PSD3: variants seen among roughly 807,000 people sequenced by gnomAD.
The protein encoded by PSD3 is PH and SEC7 domain-containing protein 3.
PSD3 carries 49 observed loss-of-function variants against 105.5 expected under a neutral mutation model. The ratio of observed to expected loss-of-function variants is 0.46; its 90% CI spans 0.37 to 0.59. The LOEUF (loss-of-function observed/expected upper bound fraction) is 0.59. Among genes scored for constraint, PSD3 ranks in the 20% least tolerant of loss-of-function variants. The probability of loss-of-function intolerance (pLI) is 0.00; values close to 1 mark genes in which losing one functional copy is unlikely to be tolerated. For missense variants in PSD3, 1,561 were observed against 1,263.8 expected (o/e 1.24, Z -3.57); for synonymous variants, 557 against 457.8 (o/e 1.22, Z -2.77).
At chr8:18,653,346 CAA>C (rs1363507912) in intron 10 of PSD3, among the ~76,000 whole-genome samples, 5 of 141,420 alleles carry the variant, frequency 3.5e-5, no homozygotes, top group African/African-American at 1.3e-4. Flanking sequence ...TGCATATGAA[CAA>C]GAGAGAAAAA....
At chr8:18,617,462 C>T (rs1162434602) in intron 11 of PSD3, among the ~76,000 whole-genome samples, 2 of 152,150 alleles carry the variant, frequency 1.3e-5, no homozygotes, top group Non-Finnish European at 2.9e-5. Flanking sequence ...ACTTGGGAGG[C>T]GCAGGTAGCA....
At chr8:18,762,389 C>T (rs1358273281) in intron 9 of PSD3, among the ~76,000 whole-genome samples, 1 of 152,196 alleles carries the variant, frequency 6.6e-6, no homozygotes, top group Non-Finnish European at 1.5e-5. Context: ...GCTTTCTGTA[C>T]AGCCCGCAGA....
At chr8:19,062,862 C>T (rs1828951142) in intron 1 of PSD3, among the ~76,000 whole-genome samples, 1 of 152,102 alleles carries the variant, frequency 6.6e-6, no homozygotes, top group Admixed American at 6.6e-5. Context: ...TTGCAGAAAT[C>T]ATATCTAGCT....
At chr8:18,904,076 A>G (rs1373138031) in intron 2 of PSD3, among the ~76,000 whole-genome samples, 2 of 152,122 alleles carry the variant, frequency 1.3e-5, no homozygotes, top group Non-Finnish European at 2.9e-5. Flanking sequence ...GCTGTACAGG[A>G]AGCATAGTGC....
In PSD3 at chr8:18,535,410, C is replaced by A; in HGVS notation, c.*333G>T. On this transcript the variant is annotated 3_prime_UTR_variant, in exon 16 of 16. Coordinates refer to ENST00000327040, the MANE Select transcript of PSD3 (RefSeq NM_015310.4). ...TCTTTAACCTTAAAAAAAAGTTTAA[C>A]AGTTGATATGAGAATACATAAAACA... The A allele has an allele frequency of 4.1e-6, 1 of 244,532 alleles. No individual in the cohort carries two copies. Among genetic ancestry groups the A allele is most frequent in the Non-Finnish European group, 8.0e-6 (1 of 124,808 alleles). The allele number at this position is 244,532 out of a possible 1,614,324, so 15.1% of individuals were successfully genotyped here. A position where few individuals can be genotyped will look rare whatever the true frequency, so the allele number is the denominator to read the frequency against.
At chr8:18,776,294 G>T (rs1286355244) in intron 8 of PSD3, among the ~76,000 whole-genome samples, 2 of 143,310 alleles carry the variant, frequency 1.4e-5, no homozygotes, top group East Asian at 4.0e-4. Flanking sequence ...TATATATAAT[G>T]TATAAATATA....
chr8:18,837,041 A>G lies in PSD3; in HGVS notation c.1634+30633T>C, dbSNP rs916339065. On this transcript the variant is annotated intron_variant, in intron 4 of 15. Transcript: ENST00000327040. ...CTGATGGCAAGGCTTTTAACTAAAT[A>G]TCCAGAAGGAGAGAAAGGGACTGAG... 7.9e-5 allele frequency among the ~76,000 whole-genome samples: 12 copies of G among 151,986 alleles called. No homozygotes were observed. In the East Asian group the frequency reaches 2.3e-3, roughly 29 times the overall value.
intron 4 of PSD3, among the ~76,000 whole-genome samples, chr8:18,825,630 G>A (rs1813116523): frequency 6.6e-6 from 1 of 152,184 alleles, no homozygotes; most frequent in Non-Finnish European, 1.5e-5. Context: ...CCAGCTCAAA[G>A]GAGAGGATGA....
At chr8:18,625,074 G>T (rs892108010) in intron 11 of PSD3, among the ~76,000 whole-genome samples, 3 of 151,846 alleles carry the variant, frequency 2.0e-5, no homozygotes, top group Non-Finnish European at 4.4e-5. Flanking sequence ...CTACCCAAAA[G>T]TCATGAAGTT....
rs1165225647 is a variant in PSD3 at position 18,879,072 on chromosome 8, ACACACACACACACACG to A, written c.131-6355_131-6340del. Among the ~76,000 whole-genome samples, 212 of 151,102 alleles carry A rather than the reference ACACACACACACACACG, an allele frequency of 1.4e-3. No individual in the cohort carries two copies. In the East Asian group the frequency reaches 0.019, roughly 14 times the overall value. ...CACAAACACACACACACACACACAC[ACACACACACACACACG>A]CACACACAACTGAACACTGGCCCCA... On this transcript the variant is annotated intron_variant, in intron 2 of 15. Transcript: ENST00000327040.
chr8:18,907,828 T>G (rs1369316395), intron 2 of PSD3, among the ~76,000 whole-genome samples: 1 of 152,352 alleles, frequency 6.6e-6, no homozygotes, highest in Admixed American at 6.5e-5. Flanking sequence ...TAATGATACA[T>G]AGTTGCCGCA....
chr8:18,916,341 TATATATATAC>T (rs1331353757), intron 2 of PSD3, among the ~76,000 whole-genome samples: 14 of 44,896 alleles, frequency 3.1e-4, no homozygotes, highest in East Asian at 1.9e-3. Context: ...TATATATATA[TATATATATAC>T]ACACACACAC....
At chr8:18,906,400 G>A (rs1370935362) in intron 2 of PSD3, among the ~76,000 whole-genome samples, 1 of 152,148 alleles carries the variant, frequency 6.6e-6, no homozygotes, top group African/African-American at 2.4e-5. Flanking sequence ...CAAATTAGAA[G>A]GTGTCGAAGA....
chr8:18,744,521 A>G (rs1041968794), intron 9 of PSD3, among the ~76,000 whole-genome samples: 34 of 152,290 alleles, frequency 2.2e-4, no homozygotes, highest in Admixed American at 1.5e-3. Context: ...ATTTTTTGCT[A>G]TTGTATACAA....
At chr8:18,960,270 T>C (rs1469427646) in intron 1 of PSD3, among the ~76,000 whole-genome samples, 1 of 152,176 alleles carries the variant, frequency 6.6e-6, no homozygotes, top group Non-Finnish European at 1.5e-5. Context: ...GTGTGGTCTT[T>C]AATAGGTAAG....
chr8:18,844,976 G>A (rs1316216657), intron 4 of PSD3, among the ~76,000 whole-genome samples: 1 of 152,198 alleles, frequency 6.6e-6, no homozygotes, highest in Non-Finnish European at 1.5e-5. Context: ...ATCTGGGAAT[G>A]TACAGCCATG....
chr8:18,599,211 C>A (rs188585532), intron 12 of PSD3, among the ~76,000 whole-genome samples: 2 of 152,116 alleles, frequency 1.3e-5, no homozygotes, highest in Non-Finnish European at 2.9e-5. Flanking sequence ...AAGACAGACA[C>A]ATGCATAGAC....
chr8:19,029,870 T>A (rs1827697741), intron 1 of PSD3, among the ~76,000 whole-genome samples: 1 of 152,238 alleles, frequency 6.6e-6, no homozygotes, highest in Non-Finnish European at 1.5e-5. Flanking sequence ...GTGACCTTGC[T>A]AAACTCACTT....
chr8:19,054,143 G>A (rs1307536762), intron 1 of PSD3, among the ~76,000 whole-genome samples: 3 of 152,194 alleles, frequency 2.0e-5, no homozygotes, highest in African/African-American at 7.2e-5. Context: ...CCGCGGGCTT[G>A]TTGCCATCCA....
Sources: allele counts gnomAD v4.1 joint callset (sites outside exome capture counted in the v4.1 genomes callset), GRCh38; gene constraint gnomAD v4.1.1; transcripts MANE v1.5; gene names NCBI Gene and HGNC (gene_info 2026-07-23, HGNC 2026-07-21).